Variants in CDC45 observed in about 807,000 individuals in gnomAD.
The protein encoded by CDC45 is cell division cycle 45.
CDC45 carries 54 observed loss-of-function variants against 77.8 expected under a neutral mutation model. The observed-to-expected ratio is 0.69, with a 90% confidence interval of 0.56 to 0.87. The LOEUF is 0.87. Among genes scored for constraint, CDC45 ranks in the 40% least tolerant of loss-of-function variants. The pLI is 0.00. For missense variants in CDC45, 649 were observed against 721.6 expected (o/e 0.90, Z 1.15); for synonymous variants, 260 against 272.1 (o/e 0.96, Z 0.44).
chr22:19,515,777 A>G (rs1933752686), intron 15 of CDC45, among the ~76,000 whole-genome samples: 1 of 152,192 alleles, frequency 6.6e-6, no homozygotes, highest in South Asian at 2.1e-4. Context: ...CAGTTGTGTG[A>G]CGTGAGGTAG....
rs763210706 is a variant in CDC45 at position 19,483,915 on chromosome 22, C to T, written c.396C>T (p.Asp132=). Residue 132 remains aspartate (D), a synonymous_variant, in exon 5 of 19, where the codon GAC becomes GAT. Transcript: ENST00000263201. ...ACCTTGAAGTTCCCGCCTATGAAGACATCTTCAGGGATGAAGAGGAGGATG... is the reference window on the plus strand; with the variant it reads ...ACCTTGAAGTTCCCGCCTATGAAGATATCTTCAGGGATGAAGAGGAGGATG... ...DDDLEVPAYE[D]IFRDEEEDEE... is the part of the protein sequence containing the mutation. 1.2e-6 allele frequency: 2 copies of T among 1,613,458 alleles called. No individual in the cohort carries two copies. The highest frequency in any genetic ancestry group is 2.2e-5 in the South Asian group (2 of 90,932).
chr22:19,506,360 C>G (rs1422846427), intron 10 of CDC45, among the ~76,000 whole-genome samples: 1 of 151,924 alleles, frequency 6.6e-6, no homozygotes, highest in East Asian at 1.9e-4. Context: ...GCTCACTTAC[C>G]CAGGGACCAT....
In CDC45 at chr22:19,499,445, C is replaced by T. The variant is rs567528641; in HGVS notation, c.704+294C>T. Reference sequence around the variant, plus strand: ...CTACCAGCAGGGCCAGGCTTAGAGGCAGGTGCTGAGGTGTGGCCCTTGCAG... The same window carrying T: ...CTACCAGCAGGGCCAGGCTTAGAGGTAGGTGCTGAGGTGTGGCCCTTGCAG... On this transcript the variant is annotated intron_variant, in intron 9 of 18. Transcript: ENST00000263201. 5.5e-4 allele frequency among the ~76,000 whole-genome samples: 84 copies of T among 152,162 alleles called. No homozygotes were observed. The highest frequency in any genetic ancestry group is 8.5e-4 in the Admixed American group (13 of 15,294).
At chr22:19,514,924 G>T in intron 14 of CDC45, 37 bp downstream of exon 14, 1 of 1,614,238 alleles carries the variant, frequency 6.2e-7, no homozygotes, top group Non-Finnish European at 8.5e-7. Flanking sequence ...CCTGGTCACA[G>T]CACCAGTGGC....
rs552641798 is a variant in CDC45 at position 19,518,000 on chromosome 22, G to T, written c.1637-844G>T. Among the ~76,000 whole-genome samples the T allele has an allele frequency of 6.4e-4, 97 of 152,350 alleles. 2 individuals are homozygous for T. The South Asian group carries it at 0.02, about 32-fold the overall frequency. On this transcript the variant is annotated intron_variant, in intron 17 of 18. Coordinates refer to ENST00000263201, the MANE Select transcript of CDC45 (RefSeq NM_003504.5). ...TGGGAGATCCAGCCTTTGTTGAAGT[G>T]GCGTCAGCCATCTCAGAGCTGCCTT...
chr22:19,493,595 C>T (rs913796899), intron 5 of CDC45, among the ~76,000 whole-genome samples: 1 of 152,168 alleles, frequency 6.6e-6, no homozygotes, highest in African/African-American at 2.4e-5. Flanking sequence ...AGGCATGTGC[C>T]ACCACGCCCG....
At chr22:19,482,591 G>A (rs2090000207) in intron 3 of CDC45, 99 bp from the exon 4 acceptor site, 1 of 1,322,570 alleles carries the variant, frequency 7.6e-7, no homozygotes, top group Non-Finnish European at 1.0e-6. Context: ...CACATGTCAG[G>A]GACTGAGTGA....
intron 9 of CDC45, among the ~76,000 whole-genome samples, chr22:19,500,212 G>T (rs1428934320): frequency 1.3e-5 from 2 of 152,194 alleles, no homozygotes; most frequent in Non-Finnish European, 2.9e-5. Flanking sequence ...AGGCCCCCAC[G>T]GTCACTGTCC....
At chr22:19,506,476 T>TG (rs1272980095) in intron 10 of CDC45, among the ~76,000 whole-genome samples, 2 of 151,956 alleles carry the variant, frequency 1.3e-5, no homozygotes, top group Admixed American at 6.6e-5. Flanking sequence ...TCTGAAGGCC[T>TG]GGGAGTTCCC....
chr22:19,483,996 G>A lies in CDC45; in HGVS notation c.477G>A (p.Arg159=). ...CAGAGCCTTCTGAGAAGCGCACACG[G>A]TTAGAAGAGGTGAGTTTGGGTCTCT... is the stretch of plus-strand genomic sequence containing the variant. ...DGSEPSEKRT[R]LEEEIVEQTM... The change falls in exon 5 of 19, where the codon CGG becomes CGA. Residue 159 remains arginine, a synonymous_variant. Transcript: ENST00000263201. 6.2e-7 allele frequency: 1 copy of A among 1,600,450 alleles called. No homozygotes were observed. Among genetic ancestry groups the A allele is most frequent in the Non-Finnish European group, 8.5e-7 (1 of 1,176,812 alleles).
intron 5 of CDC45, among the ~76,000 whole-genome samples, chr22:19,487,931 A>AC (rs2090097583): frequency 1.3e-5 from 2 of 151,594 alleles, no homozygotes; most frequent in African/African-American, 4.8e-5. Flanking sequence ...AAAAAAAAAA[A>AC]AGAGTTCTGC....
intron 5 of CDC45, among the ~76,000 whole-genome samples, chr22:19,493,389 G>A (rs2090185814): frequency 6.6e-6 from 1 of 151,576 alleles, no homozygotes; most frequent in South Asian, 2.1e-4. Flanking sequence ...GTCCCTAACT[G>A]CTCTGCCTTC....
intron 17 of CDC45, among the ~76,000 whole-genome samples, chr22:19,517,524 C>T (rs913615677): frequency 2.6e-5 from 4 of 152,186 alleles, no homozygotes; most frequent in African/African-American, 7.2e-5. Flanking sequence ...TATTTCACCC[C>T]GGGTTAGTTT....
chr22:19,515,187 T>C, intron 15 of CDC45, 139 bp downstream of exon 15: 2 of 717,444 alleles, frequency 2.8e-6, no homozygotes, highest in Non-Finnish European at 4.5e-6. Flanking sequence ...TTACTTTTTC[T>C]GAGCTGTCTT....
chr22:19,505,554 T>C, intron 10 of CDC45, 73 bp downstream of exon 10: 1 of 1,553,962 alleles, frequency 6.4e-7, no homozygotes. Context: ...TTTGTCACCC[T>C]CTGTGGGTTC....
chr22:19,512,998 T>C (rs1330217712), intron 13 of CDC45, among the ~76,000 whole-genome samples: 1 of 152,024 alleles, frequency 6.6e-6, no homozygotes, highest in East Asian at 1.9e-4. Context: ...AGGAGGAAGG[T>C]ACTAGGCTCT....
At chr22:19,501,529 C>T (rs1488170002) in intron 9 of CDC45, among the ~76,000 whole-genome samples, 1 of 152,110 alleles carries the variant, frequency 6.6e-6, no homozygotes, top group Non-Finnish European at 1.5e-5. Context: ...TATTATAACC[C>T]TTTCTTAACT....
At chr22:19,514,096 T>C (rs1017563721) in intron 13 of CDC45, among the ~76,000 whole-genome samples, 1 of 152,254 alleles carries the variant, frequency 6.6e-6, no homozygotes, top group African/African-American at 2.4e-5. Flanking sequence ...TTTAACTTTC[T>C]TTAGTTCTCC....
At chr22:19,498,322 C>T (rs1263236441) in intron 8 of CDC45, among the ~76,000 whole-genome samples, 2 of 152,246 alleles carry the variant, frequency 1.3e-5, no homozygotes, top group African/African-American at 2.4e-5. Context: ...GAGTGAGATG[C>T]TGTCTGCAGA....
Sources: allele counts gnomAD v4.1 joint callset (sites outside exome capture counted in the v4.1 genomes callset), GRCh38; gene constraint gnomAD v4.1.1; transcripts MANE v1.5; gene names NCBI Gene and HGNC (gene_info 2026-07-23, HGNC 2026-07-21).